The following NRXN3 variants were observed in gnomAD, a reference collection of about 807,000 sequenced individuals.
NRXN3 encodes neurexin 3, also known as neurexin III.
Under a neutral mutation model 137.6 loss-of-function variants are expected in NRXN3, and 32 were observed. That is an observed-to-expected ratio of 0.23 (90% CI 0.18 to 0.31). NRXN3 has a LOEUF of 0.31. Ranked by LOEUF, NRXN3 falls within the 10% of genes least tolerant of loss-of-function variation. The pLI, the probability that NRXN3 is intolerant of heterozygous loss-of-function variation, is 1.00. For missense variants in NRXN3, 1,574 were observed against 2,062.5 expected, an observed-to-expected ratio of 0.76 and a Z score of 4.59; for synonymous variants, 798 against 784.5, an observed-to-expected ratio of 1.02 and a Z score of -0.29.
At chr14:79,515,562 A>C (rs1218058948) in intron 16 of NRXN3, among the ~76,000 whole-genome samples, 1 of 150,668 alleles carries the variant, frequency 6.6e-6, no homozygotes, top group Non-Finnish European at 1.5e-5. Flanking sequence ...CCAGTCATAA[A>C]GAGTAGTTTC....
At chr14:79,382,845 T>C (rs1266369976) in intron 15 of NRXN3, among the ~76,000 whole-genome samples, 2 of 152,150 alleles carry the variant, frequency 1.3e-5, no homozygotes, top group South Asian at 2.1e-4. Context: ...AACTTTACGA[T>C]TGACTTTCCT....
intron 4 of NRXN3, among the ~76,000 whole-genome samples, chr14:78,614,383 A>G (rs546711123): frequency 6.6e-6 from 1 of 152,354 alleles, no homozygotes; most frequent in East Asian, 1.9e-4. Flanking sequence ...ATCTAGTGAA[A>G]AAGCCTACTT....
At chr14:78,232,360 G>T (rs2065542524) in intron 1 of NRXN3, among the ~76,000 whole-genome samples, 1 of 152,230 alleles carries the variant, frequency 6.6e-6, no homozygotes, top group Admixed American at 6.5e-5. Flanking sequence ...AACAGAGAGA[G>T]CCCTCCCAGC....
At chr14:78,468,179 G>T (rs1400778322) in intron 4 of NRXN3, among the ~76,000 whole-genome samples, 1 of 152,130 alleles carries the variant, frequency 6.6e-6, no homozygotes, top group Non-Finnish European at 1.5e-5. Flanking sequence ...AGTGATCTTG[G>T]TTAGGTAGAT....
At chr14:78,267,418 A>G (rs2071945563) in intron 2 of NRXN3, among the ~76,000 whole-genome samples, 1 of 152,124 alleles carries the variant, frequency 6.6e-6, no homozygotes, top group African/African-American at 2.4e-5. Context: ...TCAGCTAGGT[A>G]CAGTGTCTCA....
intron 16 of NRXN3, among the ~76,000 whole-genome samples, chr14:79,601,843 CTCTG>C (rs1349952828): frequency 6.6e-6 from 1 of 152,176 alleles, no homozygotes; most frequent in African/African-American, 2.4e-5. Context: ...TTCTTGGCCT[CTCTG>C]TCTAAGAGAC....
At chr14:79,176,910 A>C (rs967748524) in intron 15 of NRXN3, among the ~76,000 whole-genome samples, 3 of 152,180 alleles carry the variant, frequency 2.0e-5, no homozygotes, top group Non-Finnish European at 4.4e-5. Context: ...TCCCTATCAC[A>C]GTCTTTTTGA....
intron 10 of NRXN3, among the ~76,000 whole-genome samples, chr14:78,900,730 A>G (rs1283600032): frequency 6.6e-6 from 1 of 152,028 alleles, no homozygotes; most frequent in Non-Finnish European, 1.5e-5. Context: ...TCAAGTTTGG[A>G]TTAGTCCAGG....
intron 15 of NRXN3, among the ~76,000 whole-genome samples, chr14:79,220,929 G>A (rs2069502482): frequency 6.6e-6 from 1 of 151,542 alleles, no homozygotes; most frequent in Admixed American, 6.6e-5. Flanking sequence ...ACAGGCCCCG[G>A]TGTGTGATGT....
intron 4 of NRXN3, among the ~76,000 whole-genome samples, chr14:78,556,687 T>C (rs1174806364): frequency 1.3e-5 from 2 of 152,168 alleles, no homozygotes; most frequent in Admixed American, 1.3e-4. Context: ...ATAAATAGCA[T>C]TTATGATGTT....
intron 16 of NRXN3, among the ~76,000 whole-genome samples, chr14:79,607,660 ATG>A (rs927829887): frequency 1.1e-4 from 16 of 149,240 alleles, no homozygotes; most frequent in African/African-American, 4.0e-4. Flanking sequence ...ACATATTTAA[ATG>A]TTAATCTACA....
chr14:78,684,100 A>G (rs368802155), intron 6 of NRXN3, among the ~76,000 whole-genome samples: 30 of 152,188 alleles, frequency 2.0e-4, no homozygotes, highest in African/African-American at 4.6e-4. Flanking sequence ...ATAATGGACT[A>G]CATCTCATCT....
chr14:79,690,462 C>A (rs1001747930), intron 17 of NRXN3, among the ~76,000 whole-genome samples: 1 of 152,032 alleles, frequency 6.6e-6, no homozygotes, highest in Non-Finnish European at 1.5e-5. Flanking sequence ...TTTAAATTAT[C>A]CACTGCAGTT....
chr14:78,531,935 C>T (rs1046064181), intron 4 of NRXN3, among the ~76,000 whole-genome samples: 13 of 152,104 alleles, frequency 8.5e-5, no homozygotes, highest in African/African-American at 3.1e-4. Context: ...CCTTCAATGA[C>T]AGCTCCAAAA....
At chr14:78,880,506 C>T (rs550777551) in intron 10 of NRXN3, among the ~76,000 whole-genome samples, 2 of 152,070 alleles carry the variant, frequency 1.3e-5, no homozygotes, top group East Asian at 3.9e-4. Flanking sequence ...AGGGAGGAGA[C>T]CAAAGAAACT....
chr14:79,758,377 CTA>C (rs1476727469), intron 19 of NRXN3, among the ~76,000 whole-genome samples: 2 of 152,056 alleles, frequency 1.3e-5, no homozygotes, highest in African/African-American at 4.8e-5. Context: ...GGAAGGAGAG[CTA>C]TGTGTAGAGA....
At chr14:79,761,162 T>C (rs1333659469) in intron 19 of NRXN3, among the ~76,000 whole-genome samples, 1 of 151,678 alleles carries the variant, frequency 6.6e-6, no homozygotes, top group Non-Finnish European at 1.5e-5. Flanking sequence ...ATATTTGTCT[T>C]CTGTTGTTGA....
chr14:79,736,134 A>G (rs769651824), intron 19 of NRXN3, among the ~76,000 whole-genome samples: 10 of 152,260 alleles, frequency 6.6e-5, no homozygotes, highest in Non-Finnish European at 1.0e-4. Context: ...ACCTTGTTCC[A>G]TTGATCTGAG....
chr14:78,604,019 C>T (rs1026308931), intron 4 of NRXN3, among the ~76,000 whole-genome samples: 14 of 152,124 alleles, frequency 9.2e-5, no homozygotes, highest in African/African-American at 2.4e-4. Context: ...CTAGGGAGGC[C>T]TCACAATCAC....
Sources: allele counts gnomAD v4.1 joint callset (sites outside exome capture counted in the v4.1 genomes callset), GRCh38; gene constraint gnomAD v4.1.1; transcripts MANE v1.5; gene names NCBI Gene and HGNC (gene_info 2026-07-23, HGNC 2026-07-21).